PCDHA5: variants seen among roughly 807,000 people sequenced by gnomAD.
PCDHA5 encodes protocadherin alpha 5, also known as protocadherin alpha-5.
A neutral mutation model predicts 61.6 loss-of-function variants in PCDHA5; 43 were observed. The observed-to-expected ratio is 0.70, with a 90% CI of 0.55 to 0.90. The LOEUF (loss-of-function observed/expected upper bound fraction) is 0.90, where lower values mean the gene tolerates loss of function less well. Ranked by LOEUF, PCDHA5 falls within the 40% of genes least tolerant of loss-of-function variation. The pLI is 0.00. For synonymous variants in PCDHA5, 627 were observed against 543.9 expected, an observed-to-expected ratio of 1.15 and a Z score of -2.13; for missense variants, 1,298 against 1,222.7, an observed-to-expected ratio of 1.06 and a Z score of -0.92.
intron 1 of PCDHA5, chr5:140,843,519 G>T (rs2150361744): frequency 6.3e-7 from 1 of 1,595,904 alleles, no homozygotes; most frequent in Non-Finnish European, 8.6e-7. Context: ...GGCGGGTGCC[G>T]GGCGGGCAAG....
In PCDHA5 at chr5:140,848,545, C is replaced by T. The variant is rs2150412582; in HGVS notation, c.2352+24418C>T. On this transcript the variant is annotated intron_variant, in intron 1 of 3. Transcript: ENST00000529859. ...CCAGAGGGTCAGCCTCTACTGCTCT[C>T]GCTTCTGATCCTCGCAATGTGGGTG... is the stretch of plus-strand genomic sequence containing the variant. The T allele has an allele frequency of 7.5e-6, 12 of 1,595,324 alleles. No homozygotes were observed. In the South Asian group the frequency reaches 1.1e-4, roughly 15 times the overall value.
intron 1 of PCDHA5, chr5:140,883,167 G>A (rs781855278): frequency 6.2e-7 from 1 of 1,613,864 alleles, no homozygotes; most frequent in East Asian, 2.2e-5. Context: ...CCGAACAATG[G>A]AGAAATTAGG....
At chr5:140,932,066 G>C (rs1196454003) in intron 1 of PCDHA5, among the ~76,000 whole-genome samples, 1 of 151,752 alleles carries the variant, frequency 6.6e-6, no homozygotes, top group Non-Finnish European at 1.5e-5. Flanking sequence ...AAAATTATCA[G>C]TTTAAGAAAT....
At position 140,822,648 on chromosome 5, in the gene PCDHA5, A is replaced by C. The variant is rs1554128795; in HGVS notation, c.873A>C (p.Lys291Asn). ...SNLVLDDVKS[K>N]FIINSNTGEI... The stretch of plus-strand genomic sequence containing the variant: ...TTGTTCTTGACGATGTAAAGTCCAA[A>C]TTTATAATTAATTCTAATACTGGTG... The change falls in exon 1 of 4, where the codon AAA becomes AAC. Residue 291 changes from lysine to asparagine, a missense_variant. Lys to Asn is a moderately conservative substitution (Grantham distance 94). Coordinates refer to ENST00000529859, the MANE Select transcript of PCDHA5 (RefSeq NM_018908.3). The C allele has an allele frequency of 1.2e-6, 2 of 1,609,920 alleles. No individual in the cohort carries two copies. The highest frequency in any genetic ancestry group is 1.7e-6 in the Non-Finnish European group (2 of 1,177,224).
At chr5:140,863,648 T>C (rs2048105633) in intron 1 of PCDHA5, 2 of 299,994 alleles carry the variant, frequency 6.7e-6, no homozygotes, top group Non-Finnish European at 1.3e-5. Context: ...AAGTTATTAA[T>C]TTGATTGCTT....
At chr5:140,824,998 G>C (rs2150137892) in intron 1 of PCDHA5, 3 of 151,664 alleles carry the variant, frequency 2.0e-5, no homozygotes, top group Admixed American at 1.3e-4. Context: ...ACATATACAT[G>C]GTTTACTGTT....
intron 1 of PCDHA5, chr5:140,843,709 C>A: frequency 6.3e-7 from 1 of 1,574,864 alleles, no homozygotes; most frequent in Non-Finnish European, 8.7e-7. Flanking sequence ...TTGATCATGG[C>A]CTCAAAGTAA....
At chr5:140,882,884 C>T (rs782007101) in intron 1 of PCDHA5, 3 of 1,614,184 alleles carry the variant, frequency 1.9e-6, no homozygotes, top group Middle Eastern at 3.3e-4. Context: ...AGAGGAAATT[C>T]AGGAACATAG....
intron 1 of PCDHA5, chr5:140,868,837 C>A (rs543405019): frequency 2.7e-4 from 116 of 427,288 alleles, no homozygotes; most frequent in Non-Finnish European, 3.6e-4. Context: ...AAACCCAAAA[C>A]ACGTGAAATT....
At position 140,875,871 on chromosome 5, in the gene PCDHA5, C is replaced by G. The variant is rs2055892299; in HGVS notation, c.2352+51744C>G. On this transcript the variant is annotated intron_variant, in intron 1 of 3. Transcript: ENST00000529859. ...ACATTAACGACAACCCGCCGGTGTT[C>G]AGAGAAAGGGAACAAAAGGTACCTG... 3 of 1,614,188 alleles carry G rather than the reference C, an allele frequency of 1.9e-6. No individual in the cohort carries two copies. The highest frequency in any genetic ancestry group is 2.5e-6 in the Non-Finnish European group (3 of 1,180,036).
intron 1 of PCDHA5, among the ~76,000 whole-genome samples, chr5:140,945,069 A>G (rs550774069): frequency 6.6e-6 from 1 of 152,278 alleles, no homozygotes; most frequent in East Asian, 1.9e-4. Context: ...TACAGACTCC[A>G]CCAAAACACT....
intron 1 of PCDHA5, among the ~76,000 whole-genome samples, chr5:140,910,545 A>T (rs551984797): frequency 1.3e-5 from 2 of 152,316 alleles, no homozygotes; most frequent in East Asian, 1.9e-4. Context: ...TCTATTTTGC[A>T]AAGTATTAGT....
intron 1 of PCDHA5, among the ~76,000 whole-genome samples, chr5:140,976,067 T>C (rs1554237245): frequency 6.6e-6 from 1 of 152,218 alleles, no homozygotes; most frequent in Non-Finnish European, 1.5e-5. Flanking sequence ...ATATATGTCT[T>C]ACTGTGTCAG....
chr5:140,882,265 T>C, intron 1 of PCDHA5: 1 of 1,609,948 alleles, frequency 6.2e-7, no homozygotes, highest in Non-Finnish European at 8.5e-7. Flanking sequence ...TTTTGGAGTG[T>C]ACCATGCTGT....
chr5:140,962,791 T>G (rs998586099), intron 1 of PCDHA5, among the ~76,000 whole-genome samples: 19 of 152,252 alleles, frequency 1.2e-4, no homozygotes, highest in Admixed American at 1.1e-3. Context: ...TAAAAACTAC[T>G]TTGGACAACT....
At chr5:140,927,652 C>T (rs868980158) in intron 1 of PCDHA5, 28 of 1,614,054 alleles carry the variant, frequency 1.7e-5, no homozygotes, top group African/African-American at 9.3e-5. Flanking sequence ...TGTGTTATTC[C>T]GAGTTCAAGC....
Position 140,857,636 on chromosome 5 carries a change from C to T in PCDHA5, c.2352+33509C>T, listed in dbSNP as rs370617893. The T allele has an allele frequency of 1.0e-4, 159 of 1,596,480 alleles. 20 individuals are homozygous for T. The highest frequency in any genetic ancestry group is 1.3e-4 in the Non-Finnish European group (153 of 1,167,700). Reference sequence around the variant, plus strand: ...GCTGGACCACGAGGAGCTGGAGCTGCTACAGTTCCAGGTGAGCGCGCGCGA... The same window carrying T: ...GCTGGACCACGAGGAGCTGGAGCTGTTACAGTTCCAGGTGAGCGCGCGCGA... On this transcript the variant is annotated intron_variant, in intron 1 of 3. Transcript: ENST00000529859.
chr5:140,989,665 T>C (rs2097353443), intron 3 of PCDHA5, among the ~76,000 whole-genome samples: 1 of 152,190 alleles, frequency 6.6e-6, no homozygotes, highest in Non-Finnish European at 1.5e-5. Context: ...TAAAAGAAAC[T>C]CTGCCCAGAT....
At chr5:140,919,393 T>C (rs2079115816) in intron 1 of PCDHA5, among the ~76,000 whole-genome samples, 1 of 152,222 alleles carries the variant, frequency 6.6e-6, no homozygotes, top group South Asian at 2.1e-4. Flanking sequence ...GGATGTTGTT[T>C]TCCTAAAAAC....
Sources: gnomAD v4.1 joint callset for allele counts (sites outside exome capture counted in the v4.1 genomes callset) on GRCh38, gnomAD v4.1.1 for gene constraint, MANE v1.5 for transcripts, NCBI Gene and HGNC (gene_info 2026-07-23, HGNC 2026-07-21) for gene names.